DPYSL2: variants seen among roughly 807,000 people sequenced by gnomAD.
The protein encoded by DPYSL2 is dihydropyrimidinase like 2.
DPYSL2 carries 13 observed loss-of-function variants against 69.9 expected under a neutral mutation model. The observed-to-expected ratio is 0.19, with a 90% CI of 0.12 to 0.30. DPYSL2 has a LOEUF of 0.30. Ranked by LOEUF, DPYSL2 falls within the 10% of genes least tolerant of loss-of-function variation. The pLI is 1.00. For synonymous variants in DPYSL2, 326 were observed against 359.1 expected (o/e 0.91, Z 1.04); for missense variants, 587 against 918.9 (o/e 0.64, Z 4.67).
At chr8:26,548,818 C>T (rs1392296049) in intron 1 of DPYSL2, among the ~76,000 whole-genome samples, 2 of 151,742 alleles carry the variant, frequency 1.3e-5, no homozygotes, top group African/African-American at 4.8e-5. Context: ...GTCAAGGCTG[C>T]AGTGAGCTGT....
At position 26,514,492 on chromosome 8, in the gene DPYSL2, C is replaced by T; in HGVS notation, c.167C>T (p.Ser56Leu). Residue 56 changes from serine (S) to leucine (L), a missense_variant, in exon 1 of 14, where the codon TCG becomes TTG. Around this residue, in one of 3 missense-constraint regions of DPYSL2, gnomAD observed 50 missense variants for 86.8 expected, o/e 0.58. Transcript: ENST00000521913. The surrounding 1 kb of genome is among the most constrained non-coding windows in gnomAD (Gnocchi z 8.4). Reference sequence around the variant, plus strand: ...AAGACCATCGACTTCGACTCGCTGTCGGTGGGCCGGGGCTCGGGGCAGGTG... The same window carrying T: ...AAGACCATCGACTTCGACTCGCTGTTGGTGGGCCGGGGCTCGGGGCAGGTG... ...ENKTIDFDSL[S>L]VGRGSGQVVA... 2 of 1,529,090 alleles carry T rather than the reference C, an allele frequency of 1.3e-6. No individual in the cohort carries two copies. Among genetic ancestry groups the T allele is most frequent in the Non-Finnish European group, 1.7e-6 (2 of 1,144,456 alleles). The allele number at this position is 1,529,090 out of a possible 1,614,324, so 94.7% of individuals were successfully genotyped here.
rs565377837 is a variant in DPYSL2 at position 26,656,728 on chromosome 8, G to A, written c.*1022G>A. On this transcript the variant is annotated 3_prime_UTR_variant, in exon 14 of 14. Coordinates refer to ENST00000521913, the MANE Select transcript of DPYSL2 (RefSeq NM_001197293.3). Reference sequence around the variant, plus strand: ...TGGTGCTAACCACCTGCCATCATGAGGATGTGTGCTAGAGTGTGGGACCCT... The same window carrying A: ...TGGTGCTAACCACCTGCCATCATGAAGATGTGTGCTAGAGTGTGGGACCCT... 2 of 152,828 alleles carry A rather than the reference G, an allele frequency of 1.3e-5. No individual in the cohort carries two copies. Among genetic ancestry groups the A allele is most frequent in the African/African-American group, 4.8e-5 (2 of 41,566 alleles). The allele number at this position is 152,828 out of a possible 1,614,324, so 9.5% of individuals were successfully genotyped here.
rs58931747 is a variant in DPYSL2, at chr8:26,626,482, AAC to A, written c.794-96_794-95del. On this transcript the variant is annotated intron_variant, in intron 4 of 13. Coordinates refer to ENST00000521913, the MANE Select transcript of DPYSL2 (RefSeq NM_001197293.3). This position sits in a 1 kb window ranked among gnomAD's most constrained non-coding sequence, Gnocchi z 4.3. ...TCTCCTCTCTCTTTCTCTGTACTGAAACACACACACACACACACACACACACA... is the reference window on the plus strand; with the variant it reads ...TCTCCTCTCTCTTTCTCTGTACTGAAACACACACACACACACACACACACA... The A allele has an allele frequency of 0.037, 20,365 of 546,178 alleles. 320 individuals are homozygous for A. The highest frequency in any genetic ancestry group is 0.077 in the African/African-American group (3,844 of 50,182). The allele number at this position is 546,178 out of a possible 1,614,324, so 33.8% of individuals were successfully genotyped here. A position where few individuals can be genotyped will look rare whatever the true frequency, so the allele number is the denominator to read the frequency against.
At chr8:26,600,587 A>T (rs1801969569) in intron 3 of DPYSL2, among the ~76,000 whole-genome samples, 1 of 151,888 alleles carries the variant, frequency 6.6e-6, no homozygotes, top group Non-Finnish European at 1.5e-5. Context: ...ATTTATCTTG[A>T]CCTGTGATGT....
rs897356197 is a variant in DPYSL2, at chr8:26,644,315, T to A, written c.1425+224T>A. Reference sequence around the variant, plus strand: ...ATATATTTCTTTTTAAAACAATTTTTAAATTTTTTTCAGACAAGGTCTTGC... The same window carrying A: ...ATATATTTCTTTTTAAAACAATTTTAAAATTTTTTTCAGACAAGGTCTTGC... On this transcript the variant is annotated intron_variant, in intron 10 of 13. Coordinates refer to ENST00000521913, the MANE Select transcript of DPYSL2 (RefSeq NM_001197293.3). The surrounding 1 kb of genome is among the most constrained non-coding windows in gnomAD (Gnocchi z 4.5). 1.3e-5 allele frequency among the ~76,000 whole-genome samples: 2 copies of A among 152,186 alleles called. No homozygotes were observed. The highest frequency in any genetic ancestry group is 4.8e-5 in the African/African-American group (2 of 41,440).
intron 1 of DPYSL2, among the ~76,000 whole-genome samples, chr8:26,527,152 G>C (rs984900919): frequency 2.0e-5 from 3 of 152,198 alleles, no homozygotes; most frequent in African/African-American, 7.2e-5. Context: ...GGCTGCTGCT[G>C]ACGGTCCCTG....
At chr8:26,577,099 G>T (rs866062221) in intron 1 of DPYSL2, 1 of 438,328 alleles carries the variant, frequency 2.3e-6, no homozygotes, top group African/African-American at 2.1e-5. Context: ...CCCATACCCC[G>T]CAGCCTTCCC....
intron 1 of DPYSL2, among the ~76,000 whole-genome samples, chr8:26,555,265 A>G (rs941019886): frequency 6.6e-6 from 1 of 152,180 alleles, no homozygotes; most frequent in Non-Finnish European, 1.5e-5. Context: ...TACAAGAAGC[A>G]AGAAAAGAAA....
Position 26,648,780 on chromosome 8 carries a change from C to T in DPYSL2, c.1596+980C>T, listed in dbSNP as rs1803223471. Among the ~76,000 whole-genome samples, 1 of 152,256 alleles carries T rather than the reference C, an allele frequency of 6.6e-6. No individual in the cohort carries two copies. Among genetic ancestry groups the T allele is most frequent in the Admixed American group, 6.5e-5 (1 of 15,288 alleles). On this transcript the variant is annotated intron_variant, in intron 11 of 13. Transcript: ENST00000521913. This position sits in a 1 kb window ranked among gnomAD's most constrained non-coding sequence, Gnocchi z 4.3. ...TGGGACTTTGCCCTGTCCCAGTCCT[C>T]TCTCATTTGCACACACAGAGGTGTT... is the stretch of plus-strand genomic sequence containing the variant.
rs149442449 is a variant in DPYSL2 at position 26,609,539 on chromosome 8, C to T, written c.629-14604C>T. On this transcript the variant is annotated intron_variant, in intron 3 of 13. Transcript: ENST00000521913. The surrounding 1 kb of genome is among the most constrained non-coding windows in gnomAD (Gnocchi z 6.5). ...GATGTTCTGTACAGCCCTGTAATCT[C>T]TTATTTTTGGCAAGCCAACTCTGAA... Among the ~76,000 whole-genome samples, 6 of 152,312 alleles carry T rather than the reference C, an allele frequency of 3.9e-5. No individual in the cohort carries two copies. In the East Asian group the frequency reaches 1.2e-3, roughly 29 times the overall value.
Position 26,609,654 on chromosome 8 carries a change from C to T in DPYSL2, c.629-14489C>T, listed in dbSNP as rs1311083321. Among the ~76,000 whole-genome samples the T allele has an allele frequency of 1.3e-5, 2 of 152,216 alleles. No homozygotes were observed. Among genetic ancestry groups the T allele is most frequent in the African/African-American group, 4.8e-5 (2 of 41,446 alleles). On this transcript the variant is annotated intron_variant, in intron 3 of 13. Transcript: ENST00000521913. This position sits in a 1 kb window ranked among gnomAD's most constrained non-coding sequence, Gnocchi z 6.5. ...ATGTTTCTCTGGCCACCTCATCGGG[C>T]TGGACGCTGCCGGCTGCCACCCGTC... is the stretch of plus-strand genomic sequence containing the variant.
intron 3 of DPYSL2, among the ~76,000 whole-genome samples, chr8:26,618,481 G>GTTTT (rs11287159): frequency 1.1e-5 from 1 of 94,190 alleles, no homozygotes; most frequent in Non-Finnish European, 2.1e-5. Flanking sequence ...CCCGGGTAAT[G>GTTTT]TTTTTTTTTT....
In DPYSL2 at chr8:26,516,330, T is replaced by C. The variant is rs563511080; in HGVS notation, c.354+1651T>C. Among the ~76,000 whole-genome samples, 1 of 152,312 alleles carries C rather than the reference T, an allele frequency of 6.6e-6. No homozygotes were observed. The highest frequency in any genetic ancestry group is 1.9e-4 in the East Asian group (1 of 5,188). On this transcript the variant is annotated intron_variant, in intron 1 of 13. Transcript: ENST00000521913. This position sits in a 1 kb window ranked among gnomAD's most constrained non-coding sequence, Gnocchi z 4.8. ...TGTGTGAAACACTTCCCTGTGTGAG[T>C]ACATTGAGTGAGGGCCAAAATCATA...
chr8:26,589,655 C>G (rs987314819), intron 3 of DPYSL2, among the ~76,000 whole-genome samples: 3 of 152,214 alleles, frequency 2.0e-5, no homozygotes, highest in African/African-American at 7.2e-5. Flanking sequence ...GTGGTCAGAT[C>G]TGGTCATGGT....
chr8:26,606,999 G>A (rs967535824), intron 3 of DPYSL2, among the ~76,000 whole-genome samples: 2 of 152,128 alleles, frequency 1.3e-5, no homozygotes, highest in East Asian at 1.9e-4. Flanking sequence ...AACAAGAGCT[G>A]TAAAAATGTG....
At chr8:26,577,027 C>A in intron 1 of DPYSL2, 1 of 350,266 alleles carries the variant, frequency 2.9e-6, no homozygotes, top group South Asian at 1.9e-5. Flanking sequence ...GCTCCCCATT[C>A]CTCCGCCCTA....
chr8:26,577,908 G>A, intron 1 of DPYSL2: 2 of 1,148,234 alleles, frequency 1.7e-6, no homozygotes, highest in East Asian at 6.9e-5. Flanking sequence ...GGCTGGCGGC[G>A]CATGCGCCAC....
rs1211421760 is a variant in DPYSL2, at chr8:26,516,299, T to C, written c.354+1620T>C. ...AATGTAACTTATACTGAAAGCTGAG[T>C]GAGTGTGTGTGAAACACTTCCCTGT... On this transcript the variant is annotated intron_variant, in intron 1 of 13. Transcript: ENST00000521913. The surrounding 1 kb of genome is among the most constrained non-coding windows in gnomAD (Gnocchi z 4.8). 6.6e-6 allele frequency among the ~76,000 whole-genome samples: 1 copy of C among 152,200 alleles called. No individual in the cohort carries two copies. The highest frequency in any genetic ancestry group is 1.5e-5 in the Non-Finnish European group (1 of 68,036).
chr8:26,547,133 T>G (rs1800784002), intron 1 of DPYSL2, among the ~76,000 whole-genome samples: 1 of 151,580 alleles, frequency 6.6e-6, no homozygotes, highest in African/African-American at 2.4e-5. Flanking sequence ...GAGGTCGAAG[T>G]GGGTGGATTG....
Sources: allele counts gnomAD v4.1 joint callset (sites outside exome capture counted in the v4.1 genomes callset), GRCh38; gene constraint gnomAD v4.1.1; regional missense constraint gnomAD v4.1.1; non-coding constraint Gnocchi (gnomAD v3.1); transcripts MANE v1.5; gene names NCBI Gene and HGNC (gene_info 2026-07-23, HGNC 2026-07-21).